DICER1: variants seen among roughly 807,000 people sequenced by gnomAD.
DICER1 encodes endoribonuclease Dicer.
In DICER1, 43 loss-of-function variants were observed where a neutral mutation model predicts 194.1. The observed-to-expected ratio is 0.22, with a 90% CI of 0.17 to 0.29. DICER1 has a LOEUF of 0.29. Ranked by LOEUF, DICER1 falls within the 10% of genes least tolerant of loss-of-function variation. The pLI is 1.00. For missense variants in DICER1, 1,608 were observed against 2,317.0 expected (o/e 0.69, Z 6.28); for synonymous variants, 832 against 820.5 (o/e 1.01, Z -0.24).
In DICER1 at chr14:95,086,723, A is replaced by C. The variant is rs950239059; in HGVS notation, c.*3775T>G. 4 of 233,004 alleles carry C rather than the reference A, an allele frequency of 1.7e-5. No homozygotes were observed. The highest frequency in any genetic ancestry group is 1.7e-4 in the Admixed American group (3 of 17,784). 14.4% of individuals were successfully genotyped at this position (233,004 alleles called of 1,614,324 possible). The stretch of plus-strand genomic sequence containing the variant: ...CTAGATATTGCTATTGGCGTCTCCA[A>C]CAACTTTAAAAATCATTTTAATAGT... On this transcript the variant is annotated 3_prime_UTR_variant, in exon 27 of 27. Coordinates refer to ENST00000343455, the MANE Select transcript of DICER1 (RefSeq NM_177438.3).
intron 1 of DICER1, among the ~76,000 whole-genome samples, chr14:95,151,502 T>C (rs186759180): frequency 1.5e-3 from 233 of 152,274 alleles, no homozygotes; most frequent in South Asian, 7.2e-3. Flanking sequence ...TCCTTTTTTT[T>C]CTCAAAACCT....
rs1311070122 is a variant in DICER1 at position 95,089,269 on chromosome 14, A to G, written c.*1229T>C. 1 of 232,922 alleles carries G rather than the reference A, an allele frequency of 4.3e-6. No individual in the cohort carries two copies. The highest frequency in any genetic ancestry group is 6.0e-5 in the East Asian group (1 of 16,540). The allele number at this position is 232,922 out of a possible 1,614,324, so 14.4% of individuals were successfully genotyped here. ...TTTATCTAAATTAATGACCTAAATC[A>G]CAGATGTATCAAAATTACGGCAGTT... is the stretch of plus-strand genomic sequence containing the variant. On this transcript the variant is annotated 3_prime_UTR_variant, in exon 27 of 27. Coordinates refer to ENST00000343455, the MANE Select transcript of DICER1 (RefSeq NM_177438.3).
chr14:95,117,547 A>T (rs1892582705), intron 9 of DICER1, 75 bp downstream of exon 9: 2 of 1,471,698 alleles, frequency 1.4e-6, no homozygotes, highest in East Asian at 4.5e-5. Flanking sequence ...CTATGAAAAA[A>T]GGGAGACCCT....
rs1442952372 is a variant in DICER1 at position 95,131,594 on chromosome 14, T to G, written c.353A>C (p.Asp118Ala). Residue 118 changes from aspartate (D) to alanine (A), a missense_variant, in exon 4 of 27, where the codon GAT (aspartate) becomes GCT (alanine). By Grantham distance (126) the Asp-to-Ala change is moderately radical. This residue lies in a region of DICER1 where 657 missense variants were observed against 910.1 expected (regional missense o/e 0.72). Coordinates refer to ENST00000343455, the MANE Select transcript of DICER1 (RefSeq NM_177438.3). ...GTTTGAGTATTCCCCAACCTTGAGA[T>G]CTGAATGAGTTCTGACAGCTGACAC... ...QQVSAVRTHS[D>A]LKVGEYSNLE... 6.2e-7 allele frequency: 1 copy of G among 1,613,546 alleles called. No homozygotes were observed.
In DICER1 at chr14:95,091,074, G is replaced by A. The variant is rs1889761840; in HGVS notation, c.5563C>T (p.Arg1855Ter). 1 of 1,613,828 alleles carries A rather than the reference G, an allele frequency of 6.2e-7. No homozygotes were observed. Among genetic ancestry groups the A allele is most frequent in the Non-Finnish European group, 8.5e-7 (1 of 1,179,892 alleles). Residue 1855 changes from arginine to a stop codon, truncating the protein, a stop_gained, in exon 26 of 27, where the codon CGA becomes TGA. Coordinates refer to ENST00000343455, the MANE Select transcript of DICER1 (RefSeq NM_177438.3). LOFTEE classifies it high-confidence loss of function. The part of the protein sequence containing the change: ...FSANVPRSPV[R>*]ELLEMEPETA... ...TCTGGTTCCATTTCAAGCAATTCTC[G>A]CACAGGGGAACGGGGTACATTTGCA...
Position 95,130,107 on chromosome 14 carries a change from T to C in DICER1, c.524A>G (p.Asp175Gly), listed in dbSNP as rs766984054. The change falls in exon 5 of 27, where the codon GAT becomes GGT. Residue 175 changes from aspartate (D) to glycine (G), a missense_variant. Asp to Gly is a moderately conservative substitution (Grantham distance 94). Around this residue, in one of 10 missense-constraint regions of DICER1, gnomAD observed 657 missense variants for 910.1 expected, o/e 0.72. Coordinates refer to ENST00000343455, the MANE Select transcript of DICER1 (RefSeq NM_177438.3). Reference protein sequence around the residue: ...SLSDINLLVFDECHLAILDHP... With the variant: ...SLSDINLLVFGECHLAILDHP... ...GTCTAGGATTGCAAGATGACACTCA[T>C]CAAACACCAAAAGGTTAATGTCTGA... 4 of 1,613,530 alleles carry C rather than the reference T, an allele frequency of 2.5e-6. No individual in the cohort carries two copies. The highest frequency in any genetic ancestry group is 3.4e-6 in the Non-Finnish European group (4 of 1,179,710).
intron 4 of DICER1, 74 bp from the exon 5 acceptor site, chr14:95,130,266 A>G: frequency 1.4e-6 from 2 of 1,428,860 alleles, no homozygotes; most frequent in Admixed American, 3.4e-5. Context: ...ATCAGATCAT[A>G]GAGCCATTGT....
intron 23 of DICER1, 164 bp downstream of exon 23, chr14:95,095,661 A>C: frequency 1.2e-6 from 1 of 824,354 alleles, no homozygotes; most frequent in Non-Finnish European, 2.0e-6. Flanking sequence ...CTCCCCAAAT[A>C]ACAAGGAAAA....
rs889786678 is a variant in DICER1 at position 95,114,634 on chromosome 14, T to A, written c.1907+1033A>T. Among the ~76,000 whole-genome samples, 3 of 152,190 alleles carry A rather than the reference T, an allele frequency of 2.0e-5. No homozygotes were observed. The East Asian group carries it at 5.8e-4, about 29-fold the overall frequency. On this transcript the variant is annotated intron_variant, in intron 11 of 26. Transcript: ENST00000343455. Reference sequence around the variant, plus strand: ...ACAAATTTTATACCGTCTCAAAGTATCTCCCCATGAAATATCTACTAATTA... The same window carrying A: ...ACAAATTTTATACCGTCTCAAAGTAACTCCCCATGAAATATCTACTAATTA...
At position 95,133,266 on chromosome 14, in the gene DICER1, T is replaced by C. The variant is rs1350793215; in HGVS notation, c.144+49A>G. The C allele has an allele frequency of 3.1e-6, 5 of 1,596,230 alleles. No homozygotes were observed. In the East Asian group the frequency reaches 1.1e-4, roughly 36 times the overall value. On this transcript the variant is annotated intron_variant, in intron 2 of 26. Transcript: ENST00000343455. The stretch of plus-strand genomic sequence containing the variant: ...AAGTTGTGTCAACTATATGCTAATG[T>C]ATTCCATTTTAGTGTAGAATGCTCC...
At chr14:95,141,412 T>C (rs992524604) in intron 1 of DICER1, among the ~76,000 whole-genome samples, 1 of 152,198 alleles carries the variant, frequency 6.6e-6, no homozygotes, top group African/African-American at 2.4e-5. Flanking sequence ...AATGTAGATA[T>C]AAAAAGTTTA....
intron 1 of DICER1, among the ~76,000 whole-genome samples, chr14:95,155,437 T>TG (rs1895787514): frequency 6.6e-6 from 1 of 152,160 alleles, no homozygotes; most frequent in Admixed American, 6.5e-5. Flanking sequence ...GCACTACAAG[T>TG]ACTGTACAAC....
chr14:95,149,441 G>A (rs997272573), intron 1 of DICER1, among the ~76,000 whole-genome samples: 5 of 151,988 alleles, frequency 3.3e-5, no homozygotes, highest in African/African-American at 9.7e-5. Context: ...CACCTCTCAC[G>A]AACCCCACCC....
chr14:95,091,760 A>G (rs1889862522), intron 24 of DICER1, among the ~76,000 whole-genome samples: 3 of 152,192 alleles, frequency 2.0e-5, no homozygotes, highest in Admixed American at 6.5e-5. Context: ...CAAGCATTCA[A>G]TAGTACTAAT....
At chr14:95,107,483 C>G (rs940423022) in intron 17 of DICER1, 125 bp downstream of exon 17, 3 of 902,366 alleles carry the variant, frequency 3.3e-6, no homozygotes, top group Non-Finnish European at 5.6e-6. Flanking sequence ...ATCTCCTGAC[C>G]TCATGATCTG....
intron 6 of DICER1, among the ~76,000 whole-genome samples, chr14:95,128,634 A>C (rs1893685710): frequency 6.6e-6 from 1 of 152,200 alleles, no homozygotes; most frequent in African/African-American, 2.4e-5. Flanking sequence ...AATCCCATGA[A>C]ACCACTGTCA....
chr14:95,146,732 G>A (rs1895161441), intron 1 of DICER1, among the ~76,000 whole-genome samples: 1 of 152,112 alleles, frequency 6.6e-6, no homozygotes, highest in South Asian at 2.1e-4. Flanking sequence ...CAAGTGGGAG[G>A]GTAGCATAGC....
At position 95,150,587 on chromosome 14, in the gene DICER1, C is replaced by A. The variant is rs114541397; in HGVS notation, c.-46+6643G>T. On this transcript the variant is annotated intron_variant, in intron 1 of 26. Coordinates refer to ENST00000343455, the MANE Select transcript of DICER1 (RefSeq NM_177438.3). ...TGTAGAAGGAATGACAGAAAAGTCA[C>A]CATTTTTAACCATCACATTAGTGAT... 5.3e-3 allele frequency among the ~76,000 whole-genome samples: 808 copies of A among 152,274 alleles called. 3 individuals carry two copies. Among genetic ancestry groups the A allele is most frequent in the African/African-American group, 0.018 (749 of 41,576 alleles).
intron 1 of DICER1, among the ~76,000 whole-genome samples, chr14:95,154,385 C>G (rs1026899822): frequency 6.6e-6 from 1 of 152,172 alleles, no homozygotes; most frequent in African/African-American, 2.4e-5. Flanking sequence ...AGCATGGACT[C>G]CAATGAATTA....
Sources: allele counts gnomAD v4.1 joint callset (sites outside exome capture counted in the v4.1 genomes callset), GRCh38; gene constraint gnomAD v4.1.1; regional missense constraint gnomAD v4.1.1; transcripts MANE v1.5; gene names NCBI Gene and HGNC (gene_info 2026-07-23, HGNC 2026-07-21).